ATP2B2: variants seen among roughly 807,000 people sequenced by gnomAD.
The protein encoded by ATP2B2 is ATPase plasma membrane Ca2+ transporting 2, also known as plasma membrane calcium-transporting ATPase 2.
ATP2B2 carries 15 observed loss-of-function variants against 120.0 expected under a neutral mutation model. The ratio of observed to expected loss-of-function variants is 0.12; its 90% CI spans 0.08 to 0.19. The LOEUF (loss-of-function observed/expected upper bound fraction) is 0.19. ATP2B2 is among the 10% of genes least tolerant of loss of function. The pLI is 1.00. For synonymous variants in ATP2B2, 694 were observed against 700.3 expected (o/e 0.99, Z 0.14); for missense variants, 1,045 against 1,719.8 (o/e 0.61, Z 6.94).
In ATP2B2 at chr3:10,340,844, C is replaced by T; in HGVS notation, c.2918-140G>A. 2 of 842,132 alleles carry T rather than the reference C, an allele frequency of 2.4e-6. No individual in the cohort carries two copies. Among genetic ancestry groups the T allele is most frequent in the Admixed American group, 2.0e-5 (1 of 49,868 alleles). The allele number at this position is 842,132 out of a possible 1,614,324, so 52.2% of individuals were successfully genotyped here. Reference sequence around the variant, plus strand: ...CAAGGCATGCTTGGACAGTGGGGGGCCAGGGCTGTGCTGTCAGCTGGTCAG... The same window carrying T: ...CAAGGCATGCTTGGACAGTGGGGGGTCAGGGCTGTGCTGTCAGCTGGTCAG... On this transcript the variant is annotated intron_variant, in intron 19 of 22. Coordinates refer to ENST00000360273, the MANE Select transcript of ATP2B2 (RefSeq NM_001001331.4). This position sits in a 1 kb window ranked among gnomAD's most constrained non-coding sequence, Gnocchi z 5.0.
rs187296612 is a variant in ATP2B2, at chr3:10,378,843, G to A, written c.1042+400C>T. The stretch of plus-strand genomic sequence containing the variant: ...AGGGACAAAAAAGGAGGCTTAGAAC[G>A]TAAAAGAGGGCAGCCATGGGAGCCA... On this transcript the variant is annotated intron_variant, in intron 9 of 22. Coordinates refer to ENST00000360273, the MANE Select transcript of ATP2B2 (RefSeq NM_001001331.4). Among the ~76,000 whole-genome samples the A allele has an allele frequency of 2.0e-3, 304 of 152,302 alleles. 1 individual carries two copies. The highest frequency in any genetic ancestry group is 3.4e-3 in the Middle Eastern group (1 of 294).
At chr3:10,664,408 GCCTGGCCC>G (rs938605604) in intron 1 of ATP2B2, among the ~76,000 whole-genome samples, 18 of 152,128 alleles carry the variant, frequency 1.2e-4, no homozygotes, top group African/African-American at 4.3e-4. Flanking sequence ...AGCCCCTCTC[GCCTGGCCC>G]CCAACTCCAG....
chr3:10,531,146 C>T (rs2067201076), intron 3 of ATP2B2, among the ~76,000 whole-genome samples: 4 of 152,206 alleles, frequency 2.6e-5, no homozygotes, highest in Admixed American at 2.0e-4. Flanking sequence ...GGACCTTTCA[C>T]TCTGGCTCCA....
Position 10,471,377 on chromosome 3 carries a change from T to A in ATP2B2, c.-319-21515A>T, listed in dbSNP as rs991709255. On this transcript the variant is annotated intron_variant, in intron 1 of 22. Transcript: ENST00000360273. ...GGTTCAGGAAACCTGTGTGTGTGTG[T>A]GTGTGTGTGTGTGTGTGTGTGTTTG... Among the ~76,000 whole-genome samples the A allele has an allele frequency of 7.6e-4, 54 of 70,944 alleles. No homozygotes were observed. In the African/African-American group the frequency reaches 8.3e-3, roughly 11 times the overall value. The allele number at this position is 70,944 out of a possible 152,430, so 46.5% of individuals were successfully genotyped here. A position where few individuals can be genotyped will look rare whatever the true frequency, so the allele number is the denominator to read the frequency against.
chr3:10,703,947 C>A (rs2071858004), intron 1 of ATP2B2, among the ~76,000 whole-genome samples: 1 of 152,196 alleles, frequency 6.6e-6, no homozygotes, highest in Admixed American at 6.5e-5. Flanking sequence ...CCACTGTGTC[C>A]CAGAGCCTGC....
intron 1 of ATP2B2, among the ~76,000 whole-genome samples, chr3:10,473,982 G>A (rs889348965): frequency 2.0e-5 from 3 of 152,158 alleles, no homozygotes; most frequent in African/African-American, 7.2e-5. Flanking sequence ...CCTTTTTCAC[G>A]GATCTGTCAT....
intron 3 of ATP2B2, among the ~76,000 whole-genome samples, chr3:10,527,249 A>T (rs1445590495): frequency 6.6e-6 from 1 of 152,146 alleles, no homozygotes. Flanking sequence ...CACCTACTGG[A>T]CACTTGCCTG....
At chr3:10,707,170 C>T (rs1559528930) in intron 1 of ATP2B2, among the ~76,000 whole-genome samples, 1 of 152,200 alleles carries the variant, frequency 6.6e-6, no homozygotes, top group Non-Finnish European at 1.5e-5. Context: ...CCGAAGGAGG[C>T]TTAGGCACTG....
At chr3:10,377,321 G>C (rs552729659) in intron 10 of ATP2B2, among the ~76,000 whole-genome samples, 1 of 152,078 alleles carries the variant, frequency 6.6e-6, no homozygotes, top group African/African-American at 2.4e-5. Flanking sequence ...CTGACAGTCG[G>C]AGGGGCTGGA....
At chr3:10,649,187 G>A (rs1198281537) in intron 1 of ATP2B2, among the ~76,000 whole-genome samples, 1 of 152,168 alleles carries the variant, frequency 6.6e-6, no homozygotes, top group Non-Finnish European at 1.5e-5. Context: ...GAGATCACAG[G>A]TGTGAGCTAC....
intron 1 of ATP2B2, among the ~76,000 whole-genome samples, chr3:10,620,706 G>C (rs768682399): frequency 6.6e-6 from 1 of 152,276 alleles, no homozygotes; most frequent in Non-Finnish European, 1.5e-5. Context: ...CCCTGAGGGA[G>C]GGAGCTGGGA....
intron 8 of ATP2B2, among the ~76,000 whole-genome samples, chr3:10,382,347 A>C (rs978812122): frequency 6.9e-6 from 1 of 144,766 alleles, no homozygotes; most frequent in Non-Finnish European, 1.5e-5. Context: ...ATGATGTATA[A>C]TTTTTTTTTT....
At chr3:10,492,515 C>T (rs547224280) in intron 1 of ATP2B2, among the ~76,000 whole-genome samples, 29 of 152,336 alleles carry the variant, frequency 1.9e-4, no homozygotes, top group Admixed American at 1.1e-3. Flanking sequence ...TGCCCTCTTT[C>T]TCTGGCCTCC....
intron 1 of ATP2B2, among the ~76,000 whole-genome samples, chr3:10,486,316 TGTGC>T (rs1255948971): frequency 9.9e-6 from 1 of 100,716 alleles, no homozygotes; most frequent in African/African-American, 3.5e-5. Flanking sequence ...GCCAGGTGTG[TGTGC>T]GTGCGTGTGT....
intron 21 of ATP2B2, chr3:10,338,628 T>C (rs1038632496): frequency 1.3e-5 from 6 of 469,126 alleles, no homozygotes; most frequent in African/African-American, 6.2e-5. Context: ...TCAGGGTACA[T>C]AGTGGACAAT....
At chr3:10,331,447 G>A (rs2125328424) in intron 22 of ATP2B2, among the ~76,000 whole-genome samples, 1 of 152,318 alleles carries the variant, frequency 6.6e-6, no homozygotes, top group Middle Eastern at 3.4e-3. Context: ...CAGGGGGATG[G>A]TGGCAGGACC....
chr3:10,414,913 T>C (rs1370127233), intron 2 of ATP2B2, among the ~76,000 whole-genome samples: 1 of 151,924 alleles, frequency 6.6e-6, no homozygotes, highest in Non-Finnish European at 1.5e-5. Context: ...ACTGTTCCCA[T>C]GGCAGTTTCC....
In ATP2B2 at chr3:10,453,936, C is replaced by T. The variant is rs527299689; in HGVS notation, c.-319-4074G>A. Among the ~76,000 whole-genome samples the T allele has an allele frequency of 2.0e-5, 3 of 151,448 alleles. No individual in the cohort carries two copies. The East Asian group carries it at 5.8e-4, about 29-fold the overall frequency. On this transcript the variant is annotated intron_variant, in intron 1 of 22. Coordinates refer to ENST00000360273, the MANE Select transcript of ATP2B2 (RefSeq NM_001001331.4). ...TTCATCCATCCATCCACCCATCTAC[C>T]CACCCATCCACTCATCCATCCATCC...
intron 2 of ATP2B2, among the ~76,000 whole-genome samples, chr3:10,552,396 G>T (rs2067689233): frequency 6.6e-6 from 1 of 152,236 alleles, no homozygotes; most frequent in African/African-American, 2.4e-5. Flanking sequence ...GCAGCGTCCT[G>T]CCTTCCGCCC....
Sources: allele counts gnomAD v4.1 joint callset (sites outside exome capture counted in the v4.1 genomes callset), GRCh38; gene constraint gnomAD v4.1.1; non-coding constraint Gnocchi (gnomAD v3.1); transcripts MANE v1.5; gene names NCBI Gene and HGNC (gene_info 2026-07-23, HGNC 2026-07-21).